CDC42SE2: variants seen among roughly 807,000 people sequenced by gnomAD.
CDC42SE2 encodes CDC42 small effector 2, also known as CDC42 small effector protein 2.
CDC42SE2 carries 3 observed loss-of-function variants against 11.5 expected under a neutral mutation model. The observed-to-expected ratio is 0.26, with a 90% CI of 0.12 to 0.67. CDC42SE2 has a LOEUF of 0.67. CDC42SE2 is among the 30% of genes least tolerant of loss of function. CDC42SE2 has a pLI of 0.80. For missense variants in CDC42SE2, 82 were observed against 106.8 expected (o/e 0.77, Z 1.02); for synonymous variants, 33 against 34.8 (o/e 0.95, Z 0.18).
chr5:131,338,542 G>A (rs1473965738), intron 2 of CDC42SE2, among the ~76,000 whole-genome samples: 1 of 152,156 alleles, frequency 6.6e-6, no homozygotes, highest in African/African-American at 2.4e-5. Flanking sequence ...GCCCCATCCT[G>A]TTGGCAAATG....
intron 3 of CDC42SE2, among the ~76,000 whole-genome samples, chr5:131,362,540 G>A (rs1316160528): frequency 6.6e-6 from 1 of 152,118 alleles, no homozygotes; most frequent in Non-Finnish European, 1.5e-5. Context: ...GAAATAAAGT[G>A]CTGCATGCCG....
chr5:131,359,452 T>C lies in CDC42SE2; in HGVS notation c.-42T>C. On this transcript the variant is annotated 5_prime_UTR_variant, in exon 3 of 5. Transcript: ENST00000505065. ...ATTTTTGGAACTTCCCGAGTTGAGA[T>C]TTGGAACCTTCATTGGTGCTCATTT... The C allele has an allele frequency of 6.5e-7, 1 of 1,530,236 alleles. No individual in the cohort carries two copies. Among genetic ancestry groups the C allele is most frequent in the Non-Finnish European group, 9.1e-7 (1 of 1,103,586 alleles). 94.8% of individuals were successfully genotyped at this position (1,530,236 alleles called of 1,614,324 possible).
At chr5:131,386,758 A>C (rs534178908) in intron 4 of CDC42SE2, among the ~76,000 whole-genome samples, 2 of 152,362 alleles carry the variant, frequency 1.3e-5, no homozygotes, top group African/African-American at 4.8e-5. Flanking sequence ...CCCATGCCTA[A>C]AGTAAACAAG....
chr5:131,298,520 T>C (rs562616757), intron 1 of CDC42SE2, among the ~76,000 whole-genome samples: 1 of 151,838 alleles, frequency 6.6e-6, no homozygotes, highest in South Asian at 2.1e-4. Context: ...AGGAATTCTT[T>C]TAGGGTCCCT....
At chr5:131,347,904 T>G (rs1346679653) in intron 2 of CDC42SE2, among the ~76,000 whole-genome samples, 6 of 152,152 alleles carry the variant, frequency 3.9e-5, no homozygotes, top group Non-Finnish European at 5.9e-5. Flanking sequence ...AAAACATGAT[T>G]ATCTCAATAG....
chr5:131,328,704 T>TATGTTATAG (rs1249276395), intron 2 of CDC42SE2, among the ~76,000 whole-genome samples: 1 of 152,358 alleles, frequency 6.6e-6, no homozygotes, highest in East Asian at 1.9e-4. Context: ...CACAGTAGTT[T>TATGTTATAG]ATGTTATAGA....
intron 3 of CDC42SE2, among the ~76,000 whole-genome samples, chr5:131,379,184 G>A (rs1026527108): frequency 5.3e-5 from 8 of 152,192 alleles, no homozygotes; most frequent in African/African-American, 9.7e-5. Context: ...TACCCTGAAA[G>A]TTCCAGCTTT....
At chr5:131,293,634 T>C (rs1308903333) in intron 1 of CDC42SE2, among the ~76,000 whole-genome samples, 1 of 151,936 alleles carries the variant, frequency 6.6e-6, no homozygotes. Flanking sequence ...GCCTTGATCT[T>C]GGACTTCCCA....
intron 4 of CDC42SE2, among the ~76,000 whole-genome samples, chr5:131,386,571 T>C (rs1286713917): frequency 6.6e-6 from 1 of 152,186 alleles, no homozygotes; most frequent in Admixed American, 6.5e-5. Flanking sequence ...GAGGTTTCAG[T>C]GAGTTTCAGA....
At chr5:131,328,505 G>A (rs574693370) in intron 2 of CDC42SE2, among the ~76,000 whole-genome samples, 1 of 151,902 alleles carries the variant, frequency 6.6e-6, no homozygotes, top group African/African-American at 2.4e-5. Context: ...CCTCTTTCTG[G>A]AACTCTGTTA....
intron 1 of CDC42SE2, among the ~76,000 whole-genome samples, chr5:131,250,693 CAT>C (rs1756632266): frequency 6.6e-6 from 1 of 152,124 alleles, no homozygotes; most frequent in Non-Finnish European, 1.5e-5. Flanking sequence ...ACCCACAAAA[CAT>C]ATAATAAAAA....
At chr5:131,369,142 ATAATT>A (rs551482772) in intron 3 of CDC42SE2, among the ~76,000 whole-genome samples, 2 of 152,266 alleles carry the variant, frequency 1.3e-5, no homozygotes, top group African/African-American at 4.8e-5. Flanking sequence ...CCTAAACAGT[ATAATT>A]TAGTTTGCCT....
intron 1 of CDC42SE2, among the ~76,000 whole-genome samples, chr5:131,271,594 T>C (rs1756996163): frequency 1.3e-5 from 2 of 152,276 alleles, no homozygotes; most frequent in South Asian, 4.1e-4. Flanking sequence ...GCAGGGTTCC[T>C]GGAACCAATC....
intron 1 of CDC42SE2, among the ~76,000 whole-genome samples, chr5:131,250,368 T>A (rs1756630203): frequency 1.3e-5 from 2 of 152,070 alleles, no homozygotes; most frequent in East Asian, 3.9e-4. Context: ...AAAGAATAGG[T>A]TCTACACTAT....
intron 3 of CDC42SE2, among the ~76,000 whole-genome samples, chr5:131,374,429 G>C (rs553196231): frequency 6.6e-6 from 1 of 151,760 alleles, no homozygotes. Context: ...TACTTGGGAG[G>C]CTGAGGCAGG....
the CDC42SE2 span, among the ~76,000 whole-genome samples, chr5:131,213,894 AT>A: frequency 6.6e-6 from 1 of 152,106 alleles, no homozygotes; most frequent in South Asian, 2.1e-4. Flanking sequence ...TTCTGCTATA[AT>A]CTTTTCCCCA....
chr5:131,355,564 G>A (rs890712147), intron 2 of CDC42SE2, among the ~76,000 whole-genome samples: 2 of 152,136 alleles, frequency 1.3e-5, no homozygotes, highest in Non-Finnish European at 2.9e-5. Context: ...CTTGTCACTT[G>A]CCTGAACTAA....
At chr5:131,381,335 TTTTTTTGA>T (rs1356069972) in intron 3 of CDC42SE2, among the ~76,000 whole-genome samples, 2 of 150,510 alleles carry the variant, frequency 1.3e-5, no homozygotes, top group Non-Finnish European at 3.0e-5. Flanking sequence ...TTTTTTTTTG[TTTTTTTGA>T]GAGAAGTCTC....
At chr5:131,350,316 A>G (rs1758974369) in intron 2 of CDC42SE2, among the ~76,000 whole-genome samples, 1 of 151,888 alleles carries the variant, frequency 6.6e-6, no homozygotes, top group Admixed American at 6.6e-5. Context: ...AATGATTTTC[A>G]TATATTATTA....
Sources: allele counts gnomAD v4.1 joint callset (sites outside exome capture counted in the v4.1 genomes callset), GRCh38; gene constraint gnomAD v4.1.1; transcripts MANE v1.5; gene names NCBI Gene and HGNC (gene_info 2026-07-23, HGNC 2026-07-21).